The following ARHGAP8 variants were observed in gnomAD, a reference collection of about 807,000 sequenced individuals.
The protein encoded by ARHGAP8 is rho GTPase-activating protein 8.
In ARHGAP8, 62 loss-of-function variants were observed where a neutral mutation model predicts 46.1. That is an observed-to-expected ratio of 1.34 (90% CI 1.10 to 1.66). The LOEUF is 1.66. ARHGAP8 is among the 40% of genes most tolerant of loss of function. ARHGAP8 has a pLI of 0.00. For synonymous variants in ARHGAP8, 375 were observed against 243.1 expected (o/e 1.54, Z -5.05); for missense variants, 923 against 568.4 (o/e 1.62, Z -6.34).
chr22:44,770,913 C>G (rs1465955738), intron 1 of ARHGAP8, among the ~76,000 whole-genome samples: 2 of 152,184 alleles, frequency 1.3e-5, no homozygotes, highest in Non-Finnish European at 2.9e-5. Flanking sequence ...AAACTGTAAA[C>G]TAAACTTCCC....
At chr22:44,859,892 GGC>G in intron 11 of ARHGAP8, 58 bp downstream of exon 11, 1 of 1,578,846 alleles carries the variant, frequency 6.3e-7, no homozygotes, top group Admixed American at 1.7e-5. Context: ...TCCCATGCTG[GGC>G]CCGCATGGAC....
At chr22:44,814,331 C>T (rs1929576718) in intron 4 of ARHGAP8, among the ~76,000 whole-genome samples, 1 of 152,116 alleles carries the variant, frequency 6.6e-6, no homozygotes, top group South Asian at 2.1e-4. Flanking sequence ...CCAAGAGGCT[C>T]TGTGCGGTTT....
intron 2 of ARHGAP8, among the ~76,000 whole-genome samples, chr22:44,799,587 TC>T (rs1928336573): frequency 6.6e-6 from 1 of 151,956 alleles, no homozygotes; most frequent in Non-Finnish European, 1.5e-5. Flanking sequence ...ATCTCCGTGT[TC>T]CCCACTCCTG....
chr22:44,842,511 G>T (rs1931720399), intron 7 of ARHGAP8, among the ~76,000 whole-genome samples: 1 of 152,208 alleles, frequency 6.6e-6, no homozygotes, highest in African/African-American at 2.4e-5. Context: ...CTCCAGAAAG[G>T]TCACGTGCTT....
intron 4 of ARHGAP8, among the ~76,000 whole-genome samples, chr22:44,812,219 G>T (rs1188942872): frequency 6.6e-6 from 1 of 152,082 alleles, no homozygotes; most frequent in Non-Finnish European, 1.5e-5. Flanking sequence ...TGCCATGGGT[G>T]GCAACTAATG....
In ARHGAP8 at chr22:44,845,331, TGA is replaced by T. The variant is rs759502919; in HGVS notation, c.666_667del (p.Lys223ArgfsTer33). On this transcript the variant is annotated frameshift_variant, in exon 8 of 12. Transcript: ENST00000356099. LOFTEE classifies it high-confidence loss of function. The stretch of plus-strand genomic sequence containing the variant: ...GTGCTGAGGTTCACAGTGACGTACC[TGA>T]GAGAGAAAGGTGAGACGGGGCCGGC... 1.9e-6 allele frequency: 3 copies of T among 1,614,048 alleles called. No homozygotes were observed. Among genetic ancestry groups the T allele is most frequent in the East Asian group, 2.2e-5 (1 of 44,878 alleles).
intron 1 of ARHGAP8, among the ~76,000 whole-genome samples, chr22:44,756,713 T>C (rs132440): frequency 0.061 from 9,187 of 151,794 alleles, 486 homozygotes; most frequent in African/African-American, 0.14. Context: ...ATAAATACTG[T>C]AAGTTGAATC....
rs769028591 is a variant in ARHGAP8 at position 44,862,239 on chromosome 22, G to A, written c.982-36G>A. 29 of 1,554,706 alleles carry A rather than the reference G, an allele frequency of 1.9e-5. No individual in the cohort carries two copies. In the East Asian group the frequency reaches 5.9e-4, roughly 32 times the overall value. ...GTTCCAGGTGCCCGTGCCCCTTGGT[G>A]TTCACTCCCCTTTACTTGTGTGTGG... On this transcript the variant is annotated intron_variant, in intron 11 of 11. Coordinates refer to ENST00000356099, the MANE Select transcript of ARHGAP8 (RefSeq NM_181335.3).
intron 1 of ARHGAP8, among the ~76,000 whole-genome samples, chr22:44,764,103 C>T (rs1249849652): frequency 2.6e-5 from 4 of 152,136 alleles, no homozygotes; most frequent in Admixed American, 6.5e-5. Context: ...TGAGCCACCG[C>T]GCCCGGCCAT....
rs972332013 is a variant in ARHGAP8, at chr22:44,786,688, C to T, written c.79+82C>T. The T allele has an allele frequency of 1.1e-5, 16 of 1,509,448 alleles. No homozygotes were observed. In the East Asian group the frequency reaches 2.2e-4, roughly 21 times the overall value. 93.5% of individuals were successfully genotyped at this position (1,509,448 alleles called of 1,614,324 possible). On this transcript the variant is annotated intron_variant, in intron 2 of 11. Transcript: ENST00000356099. The stretch of plus-strand genomic sequence containing the variant: ...CAACTTTGAGGCAAAGTGGGCTCGT[C>T]AGGGGCTGCCTCACTGCAGCTGGGC...
chr22:44,825,545 C>G lies in ARHGAP8; in HGVS notation c.548C>G (p.Pro183Arg). 6.2e-7 allele frequency: 1 copy of G among 1,613,466 alleles called. No individual in the cohort carries two copies. The highest frequency in any genetic ancestry group is 8.5e-7 in the Non-Finnish European group (1 of 1,179,820). ...GRTPPPTKTP[P>R]PRPPLPTQQF... is the part of the protein sequence containing the mutation. ...ACGCCGCCTCCCACCAAGACACCAC[C>G]GCCGCGGCCCCCGCTGCCCACACAG... Residue 183 changes from proline (P) to arginine (R), a missense_variant, in exon 7 of 12, where the codon CCG (proline) becomes CGG (arginine). By Grantham distance (103) the Pro-to-Arg change is moderately radical (BLOSUM62 -2). Transcript: ENST00000356099.
At chr22:44,821,581 G>A (rs1029850668) in intron 5 of ARHGAP8, among the ~76,000 whole-genome samples, 4 of 152,172 alleles carry the variant, frequency 2.6e-5, no homozygotes, top group Admixed American at 6.5e-5. Context: ...AGGCGTGCTC[G>A]CATCCATCTG....
rs778294080 is a variant in ARHGAP8, at chr22:44,862,300, A to G, written c.1007A>G (p.Lys336Arg). The stretch of plus-strand genomic sequence containing the variant: ...GTGTCCCGGGAGAGCATCTTCAACA[A>G]AATGAACAGCTCTAACCTGGCCTGT... ...HAVSRESIFN[K>R]MNSSNLACVF... Residue 336 changes from lysine (K) to arginine (R), a missense_variant, in exon 12 of 12, where the codon AAA becomes AGA. By Grantham distance (26) the Lys-to-Arg change is conservative. Coordinates refer to ENST00000356099, the MANE Select transcript of ARHGAP8 (RefSeq NM_181335.3). 2 of 1,599,462 alleles carry G rather than the reference A, an allele frequency of 1.3e-6. No homozygotes were observed. The highest frequency in any genetic ancestry group is 1.1e-5 in the South Asian group (1 of 90,540).
intron 5 of ARHGAP8, among the ~76,000 whole-genome samples, chr22:44,820,476 C>T (rs1013649595): frequency 1.2e-4 from 19 of 152,296 alleles, no homozygotes; most frequent in Non-Finnish European, 2.2e-4. Context: ...CCCGGGGACA[C>T]CCTCCGGCAT....
At chr22:44,858,778 G>C (rs1361202343) in intron 10 of ARHGAP8, among the ~76,000 whole-genome samples, 1 of 149,136 alleles carries the variant, frequency 6.7e-6, no homozygotes, top group Non-Finnish European at 1.5e-5. Context: ...GCCCCTGGAG[G>C]GTGGGACACT....
At chr22:44,852,497 C>G (rs1872508584) in intron 10 of ARHGAP8, among the ~76,000 whole-genome samples, 1 of 152,170 alleles carries the variant, frequency 6.6e-6, no homozygotes, top group Non-Finnish European at 1.5e-5. Context: ...TGCCCAGGCT[C>G]CATATTTGGG....
intron 5 of ARHGAP8, among the ~76,000 whole-genome samples, chr22:44,820,880 GTGGGCTGAGCTT>G (rs564763526): frequency 1.5e-3 from 231 of 152,306 alleles, no homozygotes; most frequent in African/African-American, 5.1e-3. Flanking sequence ...GGACTGAGCT[GTGGGCTGAGCTT>G]TGGGCTGAGC....
chr22:44,862,618 T>TCGAGCTACCTCCCACA lies in ARHGAP8; in HGVS notation c.*25_*40dup. 6.5e-7 allele frequency: 1 copy of TCGAGCTACCTCCCACA among 1,527,806 alleles called. No individual in the cohort carries two copies. Among genetic ancestry groups the TCGAGCTACCTCCCACA allele is most frequent in the Non-Finnish European group, 8.8e-7 (1 of 1,133,752 alleles). The allele number at this position is 1,527,806 out of a possible 1,614,324, so 94.6% of individuals were successfully genotyped here. A position where few individuals can be genotyped will look rare whatever the true frequency, so the allele number is the denominator to read the frequency against. The stretch of plus-strand genomic sequence containing the variant: ...TAGTGTTGCGAACACTCTGTATATT[T>TCGAGCTACCTCCCACA]CGAGCTACCTCCCACACCTGTCTGT... On this transcript the variant is annotated 3_prime_UTR_variant, in exon 12 of 12. Transcript: ENST00000356099.
At position 44,766,665 on chromosome 22, in the gene ARHGAP8, C is replaced by T. The variant is rs952455666; in HGVS notation, c.-72+14038C>T. On this transcript the variant is annotated intron_variant, in intron 1 of 11. Coordinates refer to ENST00000356099, the MANE Select transcript of ARHGAP8 (RefSeq NM_181335.3). ...CTGCCTGTCTTCCTGGGGACCCTTC[C>T]GGGGGCTCTCTCTGGGGGTCTTTGC... Among the ~76,000 whole-genome samples the T allele has an allele frequency of 9.2e-5, 14 of 152,248 alleles. No homozygotes were observed. In the East Asian group the frequency reaches 2.1e-3, roughly 23 times the overall value.
Sources: allele counts gnomAD v4.1 joint callset (sites outside exome capture counted in the v4.1 genomes callset), GRCh38; gene constraint gnomAD v4.1.1; transcripts MANE v1.5; gene names NCBI Gene and HGNC (gene_info 2026-07-23, HGNC 2026-07-21).